HIBADH: variants seen among roughly 807,000 people sequenced by gnomAD.
HIBADH encodes the protein 3-hydroxyisobutyrate dehydrogenase.
HIBADH carries 25 observed loss-of-function variants against 36.1 expected under a neutral mutation model. The ratio of observed to expected loss-of-function variants is 0.69; its 90% CI spans 0.50 to 0.97. The LOEUF is 0.97. Ranked by LOEUF, HIBADH falls within the 50% of genes least tolerant of loss-of-function variation. The pLI is 0.00. For synonymous variants in HIBADH, 160 were observed against 149.5 expected (o/e 1.07, Z -0.51); for missense variants, 421 against 418.0 (o/e 1.01, Z -0.06).
chr7:27,581,338 C>T (rs960495570), intron 4 of HIBADH, among the ~76,000 whole-genome samples: 29 of 152,214 alleles, frequency 1.9e-4, no homozygotes, highest in African/African-American at 6.0e-4. Flanking sequence ...GATGTGTAAT[C>T]ATGTACGGTG....
rs1430577534 is a variant in HIBADH, at chr7:27,610,572, C to T, written c.484+18799G>A. Among the ~76,000 whole-genome samples the T allele has an allele frequency of 2.0e-5, 3 of 152,146 alleles. No homozygotes were observed. In the East Asian group the frequency reaches 5.8e-4, roughly 29 times the overall value. On this transcript the variant is annotated intron_variant, in intron 4 of 7. Transcript: ENST00000265395. ...GAATAAAACATAAGAATAAATATCACATACAAGACTACTGTATAATCGAAG... is the reference window on the plus strand; with the variant it reads ...GAATAAAACATAAGAATAAATATCATATACAAGACTACTGTATAATCGAAG...
intron 4 of HIBADH, among the ~76,000 whole-genome samples, chr7:27,569,717 T>A (rs1276983225): frequency 6.6e-6 from 1 of 152,014 alleles, no homozygotes; most frequent in Non-Finnish European, 1.5e-5. Flanking sequence ...GTCTTGTACT[T>A]CCTGCAACTA....
intron 1 of HIBADH, among the ~76,000 whole-genome samples, chr7:27,659,797 C>T (rs1423009471): frequency 5.9e-5 from 9 of 152,216 alleles, no homozygotes; most frequent in African/African-American, 2.2e-4. Flanking sequence ...GTGGCTAATG[C>T]CTGTAAGCCC....
intron 4 of HIBADH, among the ~76,000 whole-genome samples, chr7:27,627,577 T>C (rs1785671025): frequency 1.3e-5 from 2 of 152,226 alleles, no homozygotes; most frequent in African/African-American, 4.8e-5. Context: ...TTTAACTTTA[T>C]TTAGTTAAAA....
At chr7:27,642,486 T>C (rs1785976500) in intron 2 of HIBADH, among the ~76,000 whole-genome samples, 1 of 152,310 alleles carries the variant, frequency 6.6e-6, no homozygotes, top group African/African-American at 2.4e-5. Context: ...GGTAAACTAC[T>C]AGACATTTGG....
At chr7:27,553,436 C>G (rs1293106685) in intron 4 of HIBADH, among the ~76,000 whole-genome samples, 2 of 152,194 alleles carry the variant, frequency 1.3e-5, no homozygotes, top group Admixed American at 1.3e-4. Context: ...AGTCAGATCA[C>G]AACAACTGTC....
chr7:27,607,061 G>T (rs1785240999), intron 4 of HIBADH, among the ~76,000 whole-genome samples: 1 of 151,994 alleles, frequency 6.6e-6, no homozygotes, highest in Admixed American at 6.6e-5. Context: ...ATCCAGTGTT[G>T]CTCTATTTCC....
chr7:27,535,212 A>G (rs1784056314), intron 6 of HIBADH, among the ~76,000 whole-genome samples: 1 of 151,830 alleles, frequency 6.6e-6, no homozygotes, highest in Admixed American at 6.6e-5. Context: ...CTTATGTAAA[A>G]CCAGACAGTA....
chr7:27,649,647 A>G lies in HIBADH; in HGVS notation c.92-14T>C, dbSNP rs759597952. ...ACCTAGAACACACTGATTTCAATAC[A>G]TTATTTTCAATAGGGGCAAATAACA... is the stretch of plus-strand genomic sequence containing the variant. On this transcript the variant is annotated splice_polypyrimidine_tract_variant and intron_variant, in intron 1 of 7. Transcript: ENST00000265395. 52 of 1,553,892 alleles carry G rather than the reference A, an allele frequency of 3.3e-5. No individual in the cohort carries two copies. Among genetic ancestry groups the G allele is most frequent in the Non-Finnish European group, 4.3e-5 (49 of 1,146,854 alleles).
intron 4 of HIBADH, among the ~76,000 whole-genome samples, chr7:27,572,837 C>T (rs1784648146): frequency 6.6e-6 from 1 of 151,576 alleles, no homozygotes. Context: ...ATTTGGTGAG[C>T]CAGACTATTA....
At chr7:27,645,368 A>ACGTTTTT (rs1554300960) in intron 2 of HIBADH, among the ~76,000 whole-genome samples, 1 of 59,652 alleles carries the variant, frequency 1.7e-5, no homozygotes, top group African/African-American at 6.3e-5. Context: ...CATGGTTTTG[A>ACGTTTTT]TTTTTTTTTT....
chr7:27,558,799 G>T (rs1784428133), intron 4 of HIBADH, among the ~76,000 whole-genome samples: 1 of 152,184 alleles, frequency 6.6e-6, no homozygotes, highest in Admixed American at 6.5e-5. Context: ...AGGAAAGGAG[G>T]AGCCCTCATA....
At chr7:27,549,731 C>T (rs947343792) in intron 4 of HIBADH, among the ~76,000 whole-genome samples, 2 of 152,088 alleles carry the variant, frequency 1.3e-5, no homozygotes, top group African/African-American at 2.4e-5. Context: ...TAGCCTTATA[C>T]CTATAAAAGA....
chr7:27,587,991 G>T (rs1169171917), intron 4 of HIBADH, among the ~76,000 whole-genome samples: 4 of 152,204 alleles, frequency 2.6e-5, no homozygotes, highest in Non-Finnish European at 5.9e-5. Flanking sequence ...TATGAATCAT[G>T]CAATGATACA....
At position 27,662,124 on chromosome 7, in the gene HIBADH, A is replaced by G. The variant is rs148224828; in HGVS notation, c.91+574T>C. ...CAAAAATGACATTTTTTTAGGTTAC[A>G]GTAGAGGGGGGAAGCCCGTCTTGCT... On this transcript the variant is annotated intron_variant, in intron 1 of 7. Coordinates refer to ENST00000265395, the MANE Select transcript of HIBADH (RefSeq NM_152740.4). 2.5e-3 allele frequency among the ~76,000 whole-genome samples: 374 copies of G among 152,314 alleles called. 3 individuals are homozygous for G. The South Asian group carries it at 0.025, about 10-fold the overall frequency.
intron 4 of HIBADH, among the ~76,000 whole-genome samples, chr7:27,576,010 T>C (rs1211690239): frequency 1.3e-5 from 2 of 152,158 alleles, no homozygotes; most frequent in African/African-American, 2.4e-5. Flanking sequence ...CTTCTACTCA[T>C]TGAATCAAGG....
chr7:27,531,325 A>G lies in HIBADH; in HGVS notation c.719T>C (p.Leu240Pro). 2 of 1,613,200 alleles carry G rather than the reference A, an allele frequency of 1.2e-6. No homozygotes were observed. The highest frequency in any genetic ancestry group is 1.7e-6 in the Non-Finnish European group (2 of 1,179,404). Reference protein sequence around the residue: ...GIRLGLDPKLLAKILNMSSGR... With the variant: ...GIRLGLDPKLPAKILNMSSGR... Reference sequence around the variant, plus strand: ...TGAGCTCATATTTAGGATTTTAGCCAGTAGTTTTGGGTCAAGCCCTAACCT... The same window carrying G: ...TGAGCTCATATTTAGGATTTTAGCCGGTAGTTTTGGGTCAAGCCCTAACCT... The change falls in exon 7 of 8, where the codon CTG becomes CCG. Residue 240 changes from leucine to proline, a missense_variant. Transcript: ENST00000265395.
chr7:27,584,537 T>G (rs1381031438), intron 4 of HIBADH, among the ~76,000 whole-genome samples: 1 of 151,648 alleles, frequency 6.6e-6, no homozygotes, highest in Non-Finnish European at 1.5e-5. Flanking sequence ...AAGACTCACT[T>G]TTTTCTTTCT....
At chr7:27,620,257 G>T (rs1363818110) in intron 4 of HIBADH, among the ~76,000 whole-genome samples, 1 of 152,038 alleles carries the variant, frequency 6.6e-6, no homozygotes, top group African/African-American at 2.4e-5. Context: ...GAGTTCAAGG[G>T]TGCAGTGAAC....
Sources: allele counts gnomAD v4.1 joint callset (sites outside exome capture counted in the v4.1 genomes callset), GRCh38; gene constraint gnomAD v4.1.1; transcripts MANE v1.5; gene names NCBI Gene and HGNC (gene_info 2026-07-23, HGNC 2026-07-21).